Variants in COCH observed in about 807,000 individuals in gnomAD.
COCH encodes cochlin, also known as coagulation factor C homolog, cochlin (Limulus polyphemus).
COCH carries 40 observed loss-of-function variants against 54.8 expected under a neutral mutation model. The observed-to-expected ratio is 0.73, with a 90% CI of 0.57 to 0.95. COCH has a LOEUF of 0.95. COCH is among the 40% of genes least tolerant of loss of function. COCH has a pLI of 0.00. For missense variants in COCH, 605 were observed against 675.0 expected, an observed-to-expected ratio of 0.90 and a Z score of 1.15; for synonymous variants, 256 against 237.9, an observed-to-expected ratio of 1.08 and a Z score of -0.70.
At position 30,885,578 on chromosome 14, in the gene COCH, T is replaced by C; in HGVS notation, c.918T>C (p.Pro306=). The C allele has an allele frequency of 6.2e-7, 1 of 1,610,934 alleles. No homozygotes were observed. The highest frequency in any genetic ancestry group is 1.3e-5 in the African/African-American group (1 of 74,968). The part of the protein sequence containing the change: ...VFIVSVAKPI[P]EELGMVQDVT... ...TAGTTTCTGTGGCCAAGCCTATCCC[T>C]GAAGAACTGGGGATGGTTCAGGATG... The change falls in exon 10 of 12, where the codon CCT becomes CCC. Residue 306 remains proline, a synonymous_variant. Coordinates refer to ENST00000396618, the MANE Select transcript of COCH (RefSeq NM_004086.3).
chr14:30,885,678 A>G (rs1895762910), intron 10 of COCH, 58 bp downstream of exon 10: 3 of 1,471,460 alleles, frequency 2.0e-6, no homozygotes, highest in Non-Finnish European at 2.9e-6. Flanking sequence ...TTGGACCTCT[A>G]AGTGCAGTGC....
rs752392390 is a variant in COCH, at chr14:30,889,598, A to G, written c.1478-18A>G. 1 of 1,610,780 alleles carries G rather than the reference A, an allele frequency of 6.2e-7. No individual in the cohort carries two copies. Among genetic ancestry groups the G allele is most frequent in the East Asian group, 2.2e-5 (1 of 44,840 alleles). ...CTAGACCTGATTTTCAATTCACTTT[A>G]AAATGTTTTCATTGTAGGAATCACT... On this transcript the variant is annotated intron_variant, in intron 11 of 11. Transcript: ENST00000396618.
downstream of COCH, chr14:30,894,452 C>T (rs1187618652): frequency 3.9e-5 from 6 of 152,480 alleles, no homozygotes; most frequent in Admixed American, 3.9e-4. Context: ...AAATAATAGG[C>T]CATTAGCAAG....
intron 8 of COCH, among the ~76,000 whole-genome samples, chr14:30,882,120 G>GTTTTTTTTTTGTTTGTTTGTTTTTT (rs1895618905): frequency 1.5e-5 from 1 of 67,914 alleles, no homozygotes; most frequent in African/African-American, 6.6e-5. Flanking sequence ...CTATAAAATG[G>GTTTTTTTTTTGTTTGTTTGTTTTTT]TTTTTTTTTT....
chr14:30,878,832 G>A lies in COCH; in HGVS notation c.261G>A (p.Gly87=). 6.2e-7 allele frequency: 1 copy of A among 1,614,108 alleles called. No individual in the cohort carries two copies. The highest frequency in any genetic ancestry group is 8.5e-7 in the Non-Finnish European group (1 of 1,180,028). ...ACAGGGGAGTAATCAGCAACTCAGG[G>A]GGACCTGTACGAGTCTATAGCCTAC... ...AVHRGVISNS[G]GPVRVYSLPG... The change falls in exon 5 of 12, where the codon GGG becomes GGA. Residue 87 remains glycine (G), a synonymous_variant. Transcript: ENST00000396618.
intron 4 of COCH, among the ~76,000 whole-genome samples, chr14:30,878,180 T>TA (rs1344963454): frequency 3.3e-5 from 5 of 152,220 alleles, no homozygotes; most frequent in South Asian, 2.1e-4. Flanking sequence ...ATAATACTTC[T>TA]AAAAAAATTC....
intron 8 of COCH, 125 bp downstream of exon 8, chr14:30,880,859 CA>C: frequency 1.3e-6 from 1 of 750,478 alleles, no homozygotes; most frequent in Non-Finnish European, 2.3e-6. Context: ...GTGGTCAAAT[CA>C]GAGTAATTAG....
rs1265970175 is a variant in COCH, at chr14:30,884,557, C to T, written c.634C>T (p.His212Tyr). ...CATTTTCTTTCTTCCACTCAGTGAA[C>T]ATCCCAAAATAGAATTTTACTTGAA... ...PHVGLVQASE[H>Y]PKIEFYLKNF... Residue 212 changes from histidine (H) to tyrosine (Y), a missense_variant, in exon 9 of 12, where the codon CAT (histidine) becomes TAT (tyrosine). Coordinates refer to ENST00000396618, the MANE Select transcript of COCH (RefSeq NM_004086.3). The T allele has an allele frequency of 1.2e-6, 2 of 1,606,726 alleles. No homozygotes were observed. The highest frequency in any genetic ancestry group is 1.7e-6 in the Non-Finnish European group (2 of 1,173,442).
intron 9 of COCH, chr14:30,884,880 T>G: frequency 6.4e-7 from 1 of 1,565,232 alleles, no homozygotes; most frequent in East Asian, 2.2e-5. Flanking sequence ...AGCATGGTGA[T>G]TTAGAATTCT....
In COCH at chr14:30,890,014, C is replaced by T; in HGVS notation, c.*223C>T. 1 of 1,245,938 alleles carries T rather than the reference C, an allele frequency of 8.0e-7. No homozygotes were observed. Among genetic ancestry groups the T allele is most frequent in the Non-Finnish European group, 1.0e-6 (1 of 990,144 alleles). 77.2% of individuals were successfully genotyped at this position (1,245,938 alleles called of 1,614,324 possible). A position where few individuals can be genotyped will look rare whatever the true frequency, so the allele number is the denominator to read the frequency against. ...CACTGCTGAGGCTTCATAATCATGGCTCTTAGAAACTCAGGAAAGAGGAGA... is the reference window on the plus strand; with the variant it reads ...CACTGCTGAGGCTTCATAATCATGGTTCTTAGAAACTCAGGAAAGAGGAGA... On this transcript the variant is annotated 3_prime_UTR_variant, in exon 12 of 12. Coordinates refer to ENST00000396618, the MANE Select transcript of COCH (RefSeq NM_004086.3).
intron 4 of COCH, among the ~76,000 whole-genome samples, chr14:30,878,388 T>C (rs1293125665): frequency 1.3e-5 from 2 of 152,006 alleles, no homozygotes; most frequent in Non-Finnish European, 2.9e-5. Flanking sequence ...CAGCTGGGAG[T>C]GGTGGCTCAC....
At position 30,886,056 on chromosome 14, in the gene COCH, T is replaced by C. The variant is rs199608109; in HGVS notation, c.1221T>C (p.Ala407=). ...TCTCGGACATTGGTGCCAAGATAGC[T>C]GCTGTACAGTTTACTTATGATCAGC... ...FEISDIGAKI[A]AVQFTYDQRT... Residue 407 remains alanine (A), a synonymous_variant, in exon 11 of 12, where the codon GCT becomes GCC. Transcript: ENST00000396618. 57 of 1,614,264 alleles carry C rather than the reference T, an allele frequency of 3.5e-5. No individual in the cohort carries two copies. The Admixed American group carries it at 9.3e-4, about 26-fold the overall frequency.
downstream of COCH, chr14:30,894,200 T>C (rs543756093): frequency 6.6e-6 from 1 of 152,528 alleles, no homozygotes; most frequent in African/African-American, 2.4e-5. Context: ...TTCAACTATT[T>C]TTGTATCCTA....
chr14:30,876,429 A>G (rs1448572170), intron 3 of COCH: 3 of 152,218 alleles, frequency 2.0e-5, no homozygotes, highest in Admixed American at 2.0e-4. Context: ...TGGAGCAGAA[A>G]TAATCAGGTT....
At chr14:30,885,235 T>C in intron 9 of COCH, 159 bp from the exon 10 acceptor site, 1 of 927,178 alleles carries the variant, frequency 1.1e-6, no homozygotes, top group Non-Finnish European at 1.6e-6. Context: ...ATGCATCTGT[T>C]ACAGAACTGG....
At chr14:30,889,249 G>T (rs865977850) in intron 11 of COCH, 1 of 242,224 alleles carries the variant, frequency 4.1e-6, no homozygotes, top group Non-Finnish European at 8.2e-6. Flanking sequence ...TTCACCATCC[G>T]CATTTACTGT....
chr14:30,891,827 T>C (rs150762288), downstream of COCH, among the ~76,000 whole-genome samples: 115 of 152,292 alleles, frequency 7.6e-4, no homozygotes, highest in African/African-American at 2.4e-3. Flanking sequence ...ATCAGAACTG[T>C]AGGTTACTAT....
At position 30,888,780 on chromosome 14, in the gene COCH, G is replaced by C. The variant is rs191137614; in HGVS notation, c.1478-836G>C. On this transcript the variant is annotated intron_variant, in intron 11 of 11. Coordinates refer to ENST00000396618, the MANE Select transcript of COCH (RefSeq NM_004086.3). ...CACTCCAGCATGGGCAAAAGAGCCA[G>C]ACCCTGTCTGAGAAAAAAAAAAAAA... Among the ~76,000 whole-genome samples, 101 of 143,152 alleles carry C rather than the reference G, an allele frequency of 7.1e-4. 1 individual carries two copies. The highest frequency in any genetic ancestry group is 2.5e-3 in the African/African-American group (97 of 38,454). 93.9% of individuals were successfully genotyped at this position (143,152 alleles called of 152,430 possible).
chr14:30,889,792 T>C lies in COCH; in HGVS notation c.*1T>C, dbSNP rs1468650581. 2.5e-6 allele frequency: 4 copies of C among 1,608,392 alleles called. No homozygotes were observed. Among genetic ancestry groups the C allele is most frequent in the African/African-American group, 1.3e-5 (1 of 74,820 alleles). The stretch of plus-strand genomic sequence containing the variant: ...AGATTTCTTAGAATCCCAGCAATAA[T>C]GGTAACATTTTGACAACTGAAAGAA... On this transcript the variant is annotated 3_prime_UTR_variant, in exon 12 of 12. Coordinates refer to ENST00000396618, the MANE Select transcript of COCH (RefSeq NM_004086.3).
Sources: allele counts gnomAD v4.1 joint callset (sites outside exome capture counted in the v4.1 genomes callset), GRCh38; gene constraint gnomAD v4.1.1; transcripts MANE v1.5; gene names NCBI Gene and HGNC (gene_info 2026-07-23, HGNC 2026-07-21).